Variants in SLC8A1 observed in about 807,000 individuals in gnomAD.
SLC8A1 encodes sodium/calcium exchanger 1.
In SLC8A1, 18 loss-of-function variants were observed where a neutral mutation model predicts 68.3. The ratio of observed to expected loss-of-function variants is 0.26; its 90% confidence interval spans 0.18 to 0.39. The LOEUF is 0.39. Ranked by LOEUF, SLC8A1 falls within the 10% of genes least tolerant of loss-of-function variation. The pLI, the probability that SLC8A1 is intolerant of heterozygous loss-of-function variation, is 1.00. For missense variants in SLC8A1, 985 were observed against 1,156.7 expected, an observed-to-expected ratio of 0.85 and a Z score of 2.15; for synonymous variants, 475 against 415.5, an observed-to-expected ratio of 1.14 and a Z score of -1.74.
At chr2:40,301,991 T>C (rs1221089686) in intron 2 of SLC8A1, among the ~76,000 whole-genome samples, 1 of 151,296 alleles carries the variant, frequency 6.6e-6, no homozygotes, top group Non-Finnish European at 1.5e-5. Flanking sequence ...GCCTGCAAAG[T>C]AGCTGGTATT....
intron 2 of SLC8A1, among the ~76,000 whole-genome samples, chr2:40,392,561 T>C (rs946015563): frequency 6.6e-6 from 1 of 152,142 alleles, no homozygotes; most frequent in Non-Finnish European, 1.5e-5. Context: ...CTGGTATCAA[T>C]TGTCATGGGT....
intron 2 of SLC8A1, among the ~76,000 whole-genome samples, chr2:40,277,155 A>G (rs2066810681): frequency 6.6e-6 from 1 of 152,170 alleles, no homozygotes; most frequent in East Asian, 1.9e-4. Flanking sequence ...AATAACACAT[A>G]TTTACATGGT....
At chr2:40,378,123 T>C (rs184364378) in intron 2 of SLC8A1, among the ~76,000 whole-genome samples, 4 of 152,234 alleles carry the variant, frequency 2.6e-5, no homozygotes, top group East Asian at 3.9e-4. Context: ...TATGCCTTTA[T>C]AGAGTTTAAA....
At chr2:40,361,425 T>C (rs1407712996) in intron 2 of SLC8A1, among the ~76,000 whole-genome samples, 1 of 143,130 alleles carries the variant, frequency 7.0e-6, no homozygotes, top group Non-Finnish European at 1.5e-5. Flanking sequence ...TCCAATACTT[T>C]AAAATTGTTA....
rs552822874 is a variant in SLC8A1 at position 40,344,732 on chromosome 2, T to A, written c.1808+83741A>T. 9.8e-5 allele frequency among the ~76,000 whole-genome samples: 15 copies of A among 152,320 alleles called. No individual in the cohort carries two copies. In the East Asian group the frequency reaches 2.1e-3, roughly 22 times the overall value. On this transcript the variant is annotated intron_variant, in intron 2 of 7. Coordinates refer to ENST00000406785, the Ensembl canonical transcript of SLC8A1. ...TCCTATGTACACAAGTTTAAAATGT[T>A]GAGGACAGCCCTCCTAGGAAAGTCT... is the stretch of plus-strand genomic sequence containing the variant.
At chr2:40,380,633 T>C (rs756231479) in intron 2 of SLC8A1, among the ~76,000 whole-genome samples, 44 of 152,194 alleles carry the variant, frequency 2.9e-4, no homozygotes, top group Non-Finnish European at 5.6e-4. Flanking sequence ...TAAAGCAAAA[T>C]AAAGTAGCTT....
intron 2 of SLC8A1, among the ~76,000 whole-genome samples, chr2:40,182,648 G>A (rs541545597): frequency 6.6e-6 from 1 of 152,220 alleles, no homozygotes; most frequent in African/African-American, 2.4e-5. Flanking sequence ...GTGTCTCAAA[G>A]GACCTGAACA....
At chr2:40,496,967 T>C (rs1705748755) in intron 1 of SLC8A1, among the ~76,000 whole-genome samples, 1 of 150,190 alleles carries the variant, frequency 6.7e-6, no homozygotes, top group African/African-American at 2.4e-5. Flanking sequence ...GAGATATACC[T>C]AATGCTAGAT....
upstream of SLC8A1, among the ~76,000 whole-genome samples, chr2:40,454,599 A>AAACAAT (rs1443854725): frequency 6.6e-6 from 1 of 152,070 alleles, no homozygotes; most frequent in Non-Finnish European, 1.5e-5. Flanking sequence ...CTTGGGAAAA[A>AAACAAT]AACAATATTA....
At position 40,114,388 on chromosome 2, in the gene SLC8A1, G is replaced by C. The variant is rs141955042; in HGVS notation, c.*865C>G. The C allele has an allele frequency of 2.0e-5, 3 of 152,956 alleles. No individual in the cohort carries two copies. The East Asian group carries it at 5.6e-4, about 29-fold the overall frequency. The allele number at this position is 152,956 out of a possible 1,614,324, so 9.5% of individuals were successfully genotyped here. ...TGGGGTTATTCTTACTGTTTGCATA[G>C]GGGATGGCAGGTGGACAGGAGGAAC... On this transcript the variant is annotated 3_prime_UTR_variant, in exon 8 of 8. Transcript: ENST00000406785.
At chr2:40,413,217 A>G (rs1386972870) in intron 2 of SLC8A1, among the ~76,000 whole-genome samples, 2 of 152,228 alleles carry the variant, frequency 1.3e-5, no homozygotes, top group African/African-American at 2.4e-5. Context: ...ATCTAGAACT[A>G]GAAATACCAT....
At chr2:40,147,120 G>C (rs2042616054) in intron 6 of SLC8A1, among the ~76,000 whole-genome samples, 2 of 152,152 alleles carry the variant, frequency 1.3e-5, no homozygotes, top group Non-Finnish European at 2.9e-5. Context: ...TGTAGCCACT[G>C]TCCAAATGAA....
intron 2 of SLC8A1, among the ~76,000 whole-genome samples, chr2:40,377,499 T>C (rs1264664513): frequency 6.6e-6 from 1 of 152,078 alleles, no homozygotes; most frequent in Admixed American, 6.6e-5. Flanking sequence ...AAAGCTAATA[T>C]AAAAATATTT....
chr2:40,132,557 T>A (rs1163930418), intron 7 of SLC8A1, among the ~76,000 whole-genome samples: 1 of 151,806 alleles, frequency 6.6e-6, no homozygotes. Flanking sequence ...CCCAGTAAAT[T>A]GTAAAGTACT....
chr2:40,469,012 G>A (rs1040370182), intron 1 of SLC8A1, among the ~76,000 whole-genome samples: 1 of 152,060 alleles, frequency 6.6e-6, no homozygotes, highest in Admixed American at 6.6e-5. Context: ...TCTAAAAGAA[G>A]TCTGTATTTC....
At chr2:40,428,842 A>G (rs1380078160) in exon 2 of SLC8A1, 1 of 1,613,834 alleles carries the variant, frequency 6.2e-7, no homozygotes, top group Non-Finnish European at 8.5e-7. Context: ...ATCATCATCT[A>G]TGATACCCAC....
At chr2:40,324,037 G>GT (rs1187053457) in intron 2 of SLC8A1, among the ~76,000 whole-genome samples, 1 of 151,018 alleles carries the variant, frequency 6.6e-6, no homozygotes, top group African/African-American at 2.4e-5. Context: ...GTGGGGGGGG[G>GT]GCTGTTAACA....
At chr2:40,115,110 G>A (rs1161548189) in exon 8 of SLC8A1, 30 of 548,948 alleles carry the variant, frequency 5.5e-5, no homozygotes, top group Non-Finnish European at 7.8e-5. Flanking sequence ...TTTTACTTCG[G>A]CCCTAGTACA....
chr2:40,215,806 T>A (rs1187421867), intron 2 of SLC8A1, among the ~76,000 whole-genome samples: 3 of 152,026 alleles, frequency 2.0e-5, no homozygotes, highest in African/African-American at 7.2e-5. Context: ...TAGCTACTAT[T>A]ATTATTATTA....
Sources: allele counts gnomAD v4.1 joint callset (sites outside exome capture counted in the v4.1 genomes callset), GRCh38; gene constraint gnomAD v4.1.1; transcripts MANE v1.5; gene names NCBI Gene and HGNC (gene_info 2026-07-23, HGNC 2026-07-21).